Variants in PDE4D observed in about 807,000 individuals in gnomAD.
PDE4D encodes the protein 3',5'-cyclic-AMP phosphodiesterase 4D.
Under a neutral mutation model 87.4 loss-of-function variants are expected in PDE4D, and 24 were observed. That is an observed-to-expected ratio of 0.27 (90% CI 0.20 to 0.39). PDE4D has a LOEUF of 0.39. PDE4D is among the 10% of genes least tolerant of loss of function. The pLI is 1.00. For synonymous variants in PDE4D, 384 were observed against 383.2 expected (o/e 1.00, Z -0.02); for missense variants, 714 against 1,041.0 (o/e 0.69, Z 4.32).
intron 1 of PDE4D, among the ~76,000 whole-genome samples, chr5:59,699,403 T>C (rs1489949072): frequency 1.3e-5 from 2 of 152,198 alleles, no homozygotes; most frequent in Non-Finnish European, 2.9e-5. Flanking sequence ...TCCAAAATTA[T>C]ATAAAATAGA....
chr5:59,405,043 C>T (rs549684950), intron 1 of PDE4D, among the ~76,000 whole-genome samples: 3 of 152,124 alleles, frequency 2.0e-5, no homozygotes, highest in Admixed American at 6.5e-5. Flanking sequence ...TCTTTTTGCT[C>T]AGTATAGCTT....
intron 1 of PDE4D, among the ~76,000 whole-genome samples, chr5:59,864,778 C>G (rs375756034): frequency 3.3e-5 from 5 of 152,292 alleles, no homozygotes; most frequent in African/African-American, 1.2e-4. Context: ...CGATTACAGA[C>G]ATGCCCTGTA....
rs578002207 is a variant in PDE4D, at chr5:59,712,370, T to A, written c.455+180798A>T. 3.0e-4 allele frequency among the ~76,000 whole-genome samples: 43 copies of A among 143,512 alleles called. 2 individuals carry two copies. In the Middle Eastern group the frequency reaches 0.011, roughly 38 times the overall value. The allele number at this position is 143,512 out of a possible 152,430, so 94.1% of individuals were successfully genotyped here. On this transcript the variant is annotated intron_variant, in intron 1 of 14. Transcript: ENST00000340635. ...ATCAGATAACTACATTATACAAATA[T>A]AAGAATAAAGGTTAATATTATTCAT...
intron 1 of PDE4D, among the ~76,000 whole-genome samples, chr5:59,248,487 G>T (rs1231778931): frequency 3.3e-5 from 5 of 151,818 alleles, no homozygotes; most frequent in Non-Finnish European, 7.4e-5. Flanking sequence ...TTATCATTTT[G>T]TCTTATGCTA....
At chr5:59,027,791 T>G (rs978626881) in intron 6 of PDE4D, among the ~76,000 whole-genome samples, 31 of 152,062 alleles carry the variant, frequency 2.0e-4, no homozygotes, top group Admixed American at 8.5e-4. Flanking sequence ...ATCAGCTATT[T>G]TTTTTCAAAG....
At chr5:60,251,248 G>T (rs1233377599) in intron 1 of PDE4D, among the ~76,000 whole-genome samples, 2 of 151,798 alleles carry the variant, frequency 1.3e-5, no homozygotes, top group African/African-American at 4.8e-5. Context: ...ACATGTGCAG[G>T]TTTGTTATAT....
chr5:60,211,467 G>A (rs1743211829), intron 1 of PDE4D, among the ~76,000 whole-genome samples: 3 of 149,410 alleles, frequency 2.0e-5, no homozygotes, highest in Non-Finnish European at 4.4e-5. Context: ...GGGTGGGGTA[G>A]GGAATATATA....
intron 1 of PDE4D, among the ~76,000 whole-genome samples, chr5:59,409,830 T>C (rs958618218): frequency 6.6e-6 from 1 of 152,204 alleles, no homozygotes; most frequent in South Asian, 2.1e-4. Flanking sequence ...TTGGCTTCTT[T>C]ATTGGGCAAC....
chr5:59,239,394 C>A lies in PDE4D; in HGVS notation c.456-23426G>T, dbSNP rs904834392. Among the ~76,000 whole-genome samples, 5 of 152,240 alleles carry A rather than the reference C, an allele frequency of 3.3e-5. No homozygotes were observed. The South Asian group carries it at 1.0e-3, about 32-fold the overall frequency. On this transcript the variant is annotated intron_variant, in intron 1 of 14. Coordinates refer to ENST00000340635, the MANE Select transcript of PDE4D (RefSeq NM_001104631.2). ...AATTAGAGCTGATATACAAGAACTCCCAAAGGCAAGCCTGCCCAGACAGTT... is the reference window on the plus strand; with the variant it reads ...AATTAGAGCTGATATACAAGAACTCACAAAGGCAAGCCTGCCCAGACAGTT...
chr5:60,496,603 CA>C (rs560067932), intron 1 of PDE4D, among the ~76,000 whole-genome samples: 16 of 150,890 alleles, frequency 1.1e-4, no homozygotes, highest in African/African-American at 3.6e-4. Flanking sequence ...CTGTGTATGA[CA>C]AAAAAAAATC....
chr5:59,762,102 A>G (rs1379207300), intron 1 of PDE4D, among the ~76,000 whole-genome samples: 2 of 151,864 alleles, frequency 1.3e-5, no homozygotes, highest in South Asian at 2.1e-4. Context: ...TGATCCAGGT[A>G]TATATATATG....
intron 5 of PDE4D, among the ~76,000 whole-genome samples, chr5:59,171,768 C>CTCTCTA (rs374001999): frequency 3.6e-5 from 5 of 140,122 alleles, no homozygotes; most frequent in African/African-American, 1.3e-4. Flanking sequence ...CTCTCTCTCT[C>CTCTCTA]TATATATGAA....
Position 58,991,971 on chromosome 5 carries a change from G to A in PDE4D, c.1049C>T (p.Thr350Ile), listed in dbSNP as rs752044490. 3 of 1,587,704 alleles carry A rather than the reference G, an allele frequency of 1.9e-6. No homozygotes were observed. The South Asian group carries it at 3.5e-5, about 19-fold the overall frequency. ...KQHEVEIPSP[T>I]QKEKEKKKRP... ...TTTCTTTTTCTCCTTTTCCTTCTGA[G>A]TTGGAGAAGGAATTTCCACTTCATG... is the stretch of plus-strand genomic sequence containing the variant. The change falls in exon 8 of 15, where the codon ACT (threonine) becomes ATT (isoleucine). Residue 350 changes from threonine (T) to isoleucine (I), a missense_variant. This residue lies in a region of PDE4D where 141 missense variants were observed against 204.3 expected (regional missense o/e 0.69). Transcript: ENST00000340635.
At chr5:59,842,763 T>C (rs1462132009) in intron 1 of PDE4D, among the ~76,000 whole-genome samples, 1 of 152,064 alleles carries the variant, frequency 6.6e-6, no homozygotes, top group East Asian at 1.9e-4. Flanking sequence ...TCTTTTCAGT[T>C]AGTCTAACAA....
intron 5 of PDE4D, chr5:59,063,038 A>G (rs1363279029): frequency 6.6e-6 from 1 of 152,164 alleles, no homozygotes; most frequent in East Asian, 1.9e-4. Context: ...TGAGGTTATA[A>G]TATGATGTCA....
At chr5:59,457,226 C>T (rs1562223389) in intron 1 of PDE4D, among the ~76,000 whole-genome samples, 1 of 152,190 alleles carries the variant, frequency 6.6e-6, no homozygotes, top group Non-Finnish European at 1.5e-5. Context: ...GCTTCTCTGA[C>T]CTTCAGCAAC....
chr5:59,656,110 A>T (rs947724740), intron 1 of PDE4D, among the ~76,000 whole-genome samples: 1 of 152,064 alleles, frequency 6.6e-6, no homozygotes, highest in East Asian at 1.9e-4. Flanking sequence ...ACAGACACAG[A>T]TGTACATTCC....
intron 3 of PDE4D, among the ~76,000 whole-genome samples, chr5:59,906,212 T>A (rs1752793224): frequency 6.6e-6 from 1 of 152,194 alleles, no homozygotes; most frequent in Admixed American, 6.6e-5. Flanking sequence ...AGCCACTATT[T>A]AGGTACCTCC....
intron 5 of PDE4D, among the ~76,000 whole-genome samples, chr5:59,085,365 ACT>A (rs1295705752): frequency 1.3e-5 from 2 of 152,022 alleles, no homozygotes; most frequent in African/African-American, 2.4e-5. Flanking sequence ...CTACATACAC[ACT>A]CTCACACACA....
Sources: gnomAD v4.1 joint callset for allele counts (sites outside exome capture counted in the v4.1 genomes callset) on GRCh38, gnomAD v4.1.1 for gene constraint, gnomAD v4.1.1 regional missense constraint, MANE v1.5 for transcripts, NCBI Gene and HGNC (gene_info 2026-07-23, HGNC 2026-07-21) for gene names.